ERFL: variants seen among roughly 807,000 people sequenced by gnomAD.
ERFL encodes ETS domain-containing transcription factor ERF-like.
ERFL carries 8 observed loss-of-function variants against 27.9 expected under a neutral mutation model. That is an observed-to-expected ratio of 0.29 (90% CI 0.17 to 0.52). The LOEUF is 0.52. Among genes scored for constraint, ERFL ranks in the 20% least tolerant of loss-of-function variants. The pLI is 0.97. For synonymous variants in ERFL, 174 were observed against 202.8 expected, an observed-to-expected ratio of 0.86 and a Z score of 1.21; for missense variants, 294 against 444.4, an observed-to-expected ratio of 0.66 and a Z score of 3.04.
Position 41,908,060 on chromosome 19 carries a change from G to A in ERFL, c.*168C>T. 2 of 462,812 alleles carry A rather than the reference G, an allele frequency of 4.3e-6. No homozygotes were observed. Among genetic ancestry groups the A allele is most frequent in the African/African-American group, 2.0e-5 (1 of 49,630 alleles). 28.7% of individuals were successfully genotyped at this position (462,812 alleles called of 1,614,324 possible). A position where few individuals can be genotyped will look rare whatever the true frequency, so the allele number is the denominator to read the frequency against. Reference sequence around the variant, plus strand: ...CATTCCCTCTGTCCTCTGTGGAGGGGGAAGTGAGACCCCCCCCACTCTGGG... The same window carrying A: ...CATTCCCTCTGTCCTCTGTGGAGGGAGAAGTGAGACCCCCCCCACTCTGGG... On this transcript the variant is annotated 3_prime_UTR_variant, in exon 6 of 6. Coordinates refer to ENST00000597630, the MANE Select transcript of ERFL (RefSeq NM_001365103.2). This position sits in a 1 kb window ranked among gnomAD's most constrained non-coding sequence, Gnocchi z 6.7.
At chr19:41,915,850 CAG>C (rs1555851912) in intron 1 of ERFL, among the ~76,000 whole-genome samples, 1 of 152,158 alleles carries the variant, frequency 6.6e-6, no homozygotes, top group African/African-American at 2.4e-5. Flanking sequence ...CAGGGCCAAA[CAG>C]GGCCTGGCAG....
chr19:41,908,488 C>G lies in ERFL; in HGVS notation c.805G>C (p.Gly269Arg). 8.1e-7 allele frequency: 1 copy of G among 1,231,628 alleles called. No homozygotes were observed. The highest frequency in any genetic ancestry group is 1.0e-6 in the Non-Finnish European group (1 of 987,896). 76.3% of individuals were successfully genotyped at this position (1,231,628 alleles called of 1,614,324 possible). The change falls in exon 6 of 6, where the codon GGG (glycine) becomes CGG (arginine). Residue 269 changes from glycine (G) to arginine (R), a missense_variant. This residue lies in a region of ERFL where 246 missense variants were observed against 371.4 expected (regional missense o/e 0.66). Transcript: ENST00000597630. This position sits in a 1 kb window ranked among gnomAD's most constrained non-coding sequence, Gnocchi z 6.7. ...SLGHLPSSGA[G>R]GGPTATPLLA... ...AGGGGCGTGGCTGTGGGGCCTCCCC[C>G]TGCCCCTGACGAGGGCAGGTGGCCC...
At chr19:41,913,884 TC>T (rs1188391425) in intron 1 of ERFL, among the ~76,000 whole-genome samples, 2 of 101,064 alleles carry the variant, frequency 2.0e-5, no homozygotes, top group Non-Finnish European at 4.2e-5. Context: ...ACCCCTCCCC[TC>T]AGGCACTTCA....
chr19:41,922,972 A>C, intron 1 of ERFL: 2 of 367,152 alleles, frequency 5.4e-6, no homozygotes, highest in Non-Finnish European at 1.1e-5. Flanking sequence ...ACTCACTCCC[A>C]CTGACAGCCA....
rs142789626 is a variant in ERFL at position 41,908,077 on chromosome 19, C to CT, written c.*150_*151insA. 2.5e-5 allele frequency: 13 copies of CT among 519,598 alleles called. No homozygotes were observed. Among genetic ancestry groups the CT allele is most frequent in the African/African-American group, 2.4e-4 (12 of 50,710 alleles). The allele number at this position is 519,598 out of a possible 1,614,324, so 32.2% of individuals were successfully genotyped here. A position where few individuals can be genotyped will look rare whatever the true frequency, so the allele number is the denominator to read the frequency against. ...GTGGAGGGGGAAGTGAGACCCCCCC[C>CT]ACTCTGGGGCTGGGGAAGGAGACTG... On this transcript the variant is annotated 3_prime_UTR_variant, in exon 6 of 6. Transcript: ENST00000597630. This position sits in a 1 kb window ranked among gnomAD's most constrained non-coding sequence, Gnocchi z 6.7.
chr19:41,908,358 C>T lies in ERFL; in HGVS notation c.935G>A (p.Gly312Asp), dbSNP rs1416180132. ...CTCCGAGTCGCTGTCCTCCTTCCCA[C>T]CAAGGGCAGCCTCTGGACCCCCAGC... ...PGAGGPEAAL[G>D]GKEDSDSELE... Residue 312 changes from glycine to aspartate, a missense_variant, in exon 6 of 6, where the codon GGT becomes GAT. By Grantham distance (94) the Gly-to-Asp change is moderately conservative (BLOSUM62 -1). Around this residue, in one of 3 missense-constraint regions of ERFL, gnomAD observed 246 missense variants for 371.4 expected, o/e 0.66. Transcript: ENST00000597630. This position sits in a 1 kb window ranked among gnomAD's most constrained non-coding sequence, Gnocchi z 6.7. 2 of 1,231,322 alleles carry T rather than the reference C, an allele frequency of 1.6e-6. No individual in the cohort carries two copies. The highest frequency in any genetic ancestry group is 6.3e-5 in the East Asian group (2 of 31,680). The allele number at this position is 1,231,322 out of a possible 1,614,324, so 76.3% of individuals were successfully genotyped here. A position where few individuals can be genotyped will look rare whatever the true frequency, so the allele number is the denominator to read the frequency against.
intron 2 of ERFL, among the ~76,000 whole-genome samples, chr19:41,912,027 C>T (rs561196607): frequency 3.6e-4 from 55 of 152,178 alleles, no homozygotes; most frequent in African/African-American, 1.3e-3. Flanking sequence ...CCACACAACC[C>T]GAGACAGACC....
chr19:41,917,546 T>C lies in ERFL; in HGVS notation c.-13-4614A>G, dbSNP rs1555852048. On this transcript the variant is annotated intron_variant, in intron 1 of 5. Transcript: ENST00000597630. The surrounding 1 kb of genome is among the most constrained non-coding windows in gnomAD (Gnocchi z 4.8). The stretch of plus-strand genomic sequence containing the variant: ...TGAAAATTGATTTTTTTTTTAAATT[T>C]CATATCTTCTCCGGGGCTCTGTCTA... Among the ~76,000 whole-genome samples the C allele has an allele frequency of 6.6e-6, 1 of 151,308 alleles. No homozygotes were observed. The highest frequency in any genetic ancestry group is 1.5e-5 in the Non-Finnish European group (1 of 67,774).
intron 2 of ERFL, among the ~76,000 whole-genome samples, chr19:41,911,406 T>A (rs2145883210): frequency 6.6e-6 from 1 of 152,304 alleles, no homozygotes. Flanking sequence ...GAGACTGCTG[T>A]GCGCCAGGGC....
intron 1 of ERFL, among the ~76,000 whole-genome samples, chr19:41,924,425 G>A (rs1555853050): frequency 6.6e-6 from 1 of 152,098 alleles, no homozygotes; most frequent in Non-Finnish European, 1.5e-5. Flanking sequence ...GGTCCTGTGA[G>A]GACAAATGAG....
chr19:41,915,131 C>T (rs1599675329), intron 1 of ERFL, among the ~76,000 whole-genome samples: 2 of 112,806 alleles, frequency 1.8e-5, no homozygotes, highest in Admixed American at 8.7e-5. Flanking sequence ...TTCCTCCCCC[C>T]GCCCCCACCC....
rs182589911 is a variant in ERFL at position 41,921,033 on chromosome 19, G to A, written c.-14+7007C>T. On this transcript the variant is annotated intron_variant, in intron 1 of 5. Coordinates refer to ENST00000597630, the MANE Select transcript of ERFL (RefSeq NM_001365103.2). The surrounding 1 kb of genome is among the most constrained non-coding windows in gnomAD (Gnocchi z 4.4). ...CTGGGGCTGCGGACAGCAGCGCTCC[G>A]AATGGTGTCAGTTGAGGGGTGGCGA... is the stretch of plus-strand genomic sequence containing the variant. Among the ~76,000 whole-genome samples, 30 of 152,346 alleles carry A rather than the reference G, an allele frequency of 2.0e-4. No individual in the cohort carries two copies. The highest frequency in any genetic ancestry group is 1.2e-3 in the Admixed American group (18 of 15,308).
intron 1 of ERFL, among the ~76,000 whole-genome samples, chr19:41,913,187 C>T (rs1435754974): frequency 6.6e-6 from 1 of 151,910 alleles, no homozygotes; most frequent in Non-Finnish European, 1.5e-5. Context: ...GTGCCTCCAT[C>T]ACTAACTACG....
intron 1 of ERFL, among the ~76,000 whole-genome samples, chr19:41,914,359 C>T (rs535042809): frequency 1.3e-5 from 2 of 151,518 alleles, no homozygotes; most frequent in Admixed American, 1.3e-4. Flanking sequence ...CTCTCTCCTC[C>T]ACCAAGGGGG....
chr19:41,919,207 C>A (rs2074822873), intron 1 of ERFL, among the ~76,000 whole-genome samples: 1 of 152,074 alleles, frequency 6.6e-6, no homozygotes, highest in Non-Finnish European at 1.5e-5. Context: ...CACATGGACA[C>A]ACACAAAACC....
chr19:41,923,341 A>G (rs1231168692), intron 1 of ERFL: 1 of 360,154 alleles, frequency 2.8e-6, no homozygotes, highest in Non-Finnish European at 5.5e-6. Context: ...CACAGAGTCC[A>G]GGATATGGAG....
intron 1 of ERFL, among the ~76,000 whole-genome samples, chr19:41,926,770 C>T (rs2145914103): frequency 6.6e-6 from 1 of 152,298 alleles, no homozygotes; most frequent in South Asian, 2.1e-4. Context: ...CGCCGCTTGT[C>T]TCTTAATCTC....
intron 1 of ERFL, among the ~76,000 whole-genome samples, chr19:41,914,693 C>A (rs143826171): frequency 8.2e-5 from 2 of 24,424 alleles, no homozygotes; most frequent in East Asian, 2.5e-3. Context: ...ATCTCTGTCT[C>A]TCCCTCCCCT....
At chr19:41,923,311 A>C (rs1426285264) in intron 1 of ERFL, 1 of 385,630 alleles carries the variant, frequency 2.6e-6, no homozygotes, top group Non-Finnish European at 5.2e-6. Flanking sequence ...AGGAGGAAAG[A>C]GACAAGACAA....
Sources: allele counts gnomAD v4.1 joint callset (sites outside exome capture counted in the v4.1 genomes callset), GRCh38; gene constraint gnomAD v4.1.1; regional missense constraint gnomAD v4.1.1; non-coding constraint Gnocchi (gnomAD v3.1); transcripts MANE v1.5; gene names NCBI Gene and HGNC (gene_info 2026-07-23, HGNC 2026-07-21).